FREM3: variants seen among roughly 807,000 people sequenced by gnomAD.
FREM3 encodes FRAS1-related extracellular matrix protein 3.
A neutral mutation model predicts 129.1 loss-of-function variants in FREM3; 105 were observed. That is an observed-to-expected ratio of 0.81 (90% CI 0.69 to 0.96). The LOEUF (loss-of-function observed/expected upper bound fraction) is 0.96, where lower values mean the gene tolerates loss of function less well. FREM3 is among the 40% of genes least tolerant of loss of function. FREM3 has a pLI of 0.00. For missense variants in FREM3, 2,593 were observed against 2,666.3 expected (o/e 0.97, Z 0.61); for synonymous variants, 1,014 against 1,044.9 (o/e 0.97, Z 0.57).
chr4:143,700,372 C>G lies in FREM3; in HGVS notation c.304G>C (p.Ala102Pro). 6.5e-7 allele frequency: 1 copy of G among 1,534,676 alleles called. No individual in the cohort carries two copies. The highest frequency in any genetic ancestry group is 8.7e-7 in the Non-Finnish European group (1 of 1,145,878). Residue 102 changes from alanine (A) to proline (P), a missense_variant, in exon 1 of 8, where the codon GCC becomes CCC. Ala to Pro is a conservative substitution (Grantham distance 27). This residue lies in a region of FREM3 where 2,276 missense variants were observed against 2,267.2 expected (regional missense o/e 1.00). Coordinates refer to ENST00000329798, the MANE Select transcript of FREM3 (RefSeq NM_001168235.2). ...GDRCEVTVLD[A>P]LPRLKGALSP... ...AGCGCGCCCTTGAGCCGCGGCAGGG[C>G]GTCCAGTACCGTGACTTCGCACCGG...
intron 2 of FREM3, among the ~76,000 whole-genome samples, chr4:143,686,388 A>G (rs1056293838): frequency 2.6e-5 from 4 of 152,228 alleles, no homozygotes; most frequent in African/African-American, 7.2e-5. Context: ...AAGGACTTCA[A>G]TACTCCACTG....
chr4:143,590,883 TG>T lies in FREM3; in HGVS notation c.6029-4891del, dbSNP rs199928933. On this transcript the variant is annotated intron_variant, in intron 6 of 7. Transcript: ENST00000329798. The stretch of plus-strand genomic sequence containing the variant: ...CATCTGGTCCTGGTCTTTTTTTGGT[TG>T]GTAAGCTATTAATTATTGCCTCAAT... Among the ~76,000 whole-genome samples the T allele has an allele frequency of 2.7e-3, 406 of 152,302 alleles. 4 individuals are homozygous for T. The highest frequency in any genetic ancestry group is 8.6e-3 in the African/African-American group (358 of 41,544).
chr4:143,687,487 A>G (rs2149861176), intron 2 of FREM3, among the ~76,000 whole-genome samples: 1 of 152,302 alleles, frequency 6.6e-6, no homozygotes, highest in East Asian at 1.9e-4. Flanking sequence ...ATAGAGAAAA[A>G]CGGAACCCTC....
At chr4:143,581,891 C>G (rs1347114984) in intron 7 of FREM3, among the ~76,000 whole-genome samples, 1 of 152,012 alleles carries the variant, frequency 6.6e-6, no homozygotes, top group African/African-American at 2.4e-5. Context: ...CTTGCTGCCC[C>G]CAGAGAAGAA....
intron 2 of FREM3, among the ~76,000 whole-genome samples, chr4:143,682,014 A>T (rs1740260332): frequency 6.6e-6 from 1 of 152,218 alleles, no homozygotes; most frequent in African/African-American, 2.4e-5. Flanking sequence ...GCAGAGAAAA[A>T]GAGGTGAGAA....
intron 2 of FREM3, among the ~76,000 whole-genome samples, chr4:143,690,041 G>T (rs1468942108): frequency 1.3e-5 from 2 of 148,528 alleles, no homozygotes; most frequent in Non-Finnish European, 3.0e-5. Context: ...AAAAAGAAAT[G>T]CAGCCTTGTC....
At chr4:143,621,887 A>G (rs966954583) in intron 4 of FREM3, among the ~76,000 whole-genome samples, 1 of 152,218 alleles carries the variant, frequency 6.6e-6, no homozygotes, top group Non-Finnish European at 1.5e-5. Flanking sequence ...TTTATTAAGC[A>G]TGCACTGTGC....
chr4:143,612,286 C>T (rs1738772295), intron 5 of FREM3, among the ~76,000 whole-genome samples: 1 of 152,182 alleles, frequency 6.6e-6, no homozygotes, highest in South Asian at 2.1e-4. Flanking sequence ...ATCTGCTTTG[C>T]ATCATTATAG....
rs961124792 is a variant in FREM3 at position 143,611,426 on chromosome 4, G to A, written c.5881C>T (p.Gln1961Ter). The A allele has an allele frequency of 9.8e-6, 15 of 1,537,200 alleles. No homozygotes were observed. In the African/African-American group the frequency reaches 1.6e-4, roughly 17 times the overall value. ...SILHFDKNETQKTCQVLIIDD... is the reference protein window; with the variant it reads ...SILHFDKNET ...ATGATCAGGACCTGGCAGGTCTTCT[G>A]TGTCTCATTCTTGTCAAAGTGGAGG... The change falls in exon 6 of 8, where the codon CAG (glutamine) becomes TAG (stop). Residue 1961 changes from glutamine to a stop codon, truncating the protein, a stop_gained. Transcript: ENST00000329798. LOFTEE classifies it high-confidence loss of function.
At chr4:143,600,075 G>C (rs545851292) in intron 6 of FREM3, among the ~76,000 whole-genome samples, 34 of 152,300 alleles carry the variant, frequency 2.2e-4, no homozygotes, top group African/African-American at 7.9e-4. Flanking sequence ...TGGAGCAGAG[G>C]CATAGGAATT....
At chr4:143,580,198 C>A (rs1445483393) in intron 7 of FREM3, among the ~76,000 whole-genome samples, 1 of 152,148 alleles carries the variant, frequency 6.6e-6, no homozygotes, top group East Asian at 1.9e-4. Context: ...AATAAACACA[C>A]AAGCTCTTCA....
At position 143,604,016 on chromosome 4, in the gene FREM3, G is replaced by A. The variant is rs574254775; in HGVS notation, c.6028+7263C>T. On this transcript the variant is annotated intron_variant, in intron 6 of 7. Coordinates refer to ENST00000329798, the MANE Select transcript of FREM3 (RefSeq NM_001168235.2). ...CCAGGTGGAAAGTGTTTGGGTCAGG[G>A]GGTTGGATCTCTCATGAACATCTTG... 2.4e-3 allele frequency among the ~76,000 whole-genome samples: 371 copies of A among 152,250 alleles called. 1 individual carries two copies. Among genetic ancestry groups the A allele is most frequent in the African/African-American group, 8.6e-3 (358 of 41,540 alleles).
At chr4:143,592,534 A>G (rs903139480) in intron 6 of FREM3, among the ~76,000 whole-genome samples, 9 of 152,144 alleles carry the variant, frequency 5.9e-5, no homozygotes, top group Admixed American at 4.6e-4. Flanking sequence ...TTCTGGGTTG[A>G]AAATTCTTTT....
chr4:143,677,120 T>A (rs988989214), intron 2 of FREM3, among the ~76,000 whole-genome samples: 1 of 152,268 alleles, frequency 6.6e-6, no homozygotes, highest in East Asian at 1.9e-4. Flanking sequence ...GCTGGAGGCA[T>A]CACGCTACCT....
At chr4:143,602,205 C>T (rs1375651379) in intron 6 of FREM3, among the ~76,000 whole-genome samples, 1 of 152,128 alleles carries the variant, frequency 6.6e-6, no homozygotes, top group Non-Finnish European at 1.5e-5. Context: ...TTTTGAAGGA[C>T]ACATGTTTTA....
At chr4:143,669,816 A>G (rs1415431100) in intron 2 of FREM3, among the ~76,000 whole-genome samples, 2 of 152,054 alleles carry the variant, frequency 1.3e-5, no homozygotes, top group East Asian at 3.9e-4. Context: ...TTAAATTTCA[A>G]CTTTTATTTT....
chr4:143,611,156 A>G lies in FREM3; in HGVS notation c.6028+123T>C, dbSNP rs904533200. 77 of 1,076,378 alleles carry G rather than the reference A, an allele frequency of 7.2e-5. 1 individual carries two copies. Among genetic ancestry groups the G allele is most frequent in the Admixed American group, 1.1e-4 (4 of 36,272 alleles). 66.7% of individuals were successfully genotyped at this position (1,076,378 alleles called of 1,614,324 possible). A position where few individuals can be genotyped will look rare whatever the true frequency, so the allele number is the denominator to read the frequency against. Reference sequence around the variant, plus strand: ...TTGAAGAGCTACTCACAGTTTTTGGAGATAAAAGAACATCAAATATTCTTT... The same window carrying G: ...TTGAAGAGCTACTCACAGTTTTTGGGGATAAAAGAACATCAAATATTCTTT... On this transcript the variant is annotated intron_variant, in intron 6 of 7. Transcript: ENST00000329798.
At chr4:143,664,171 G>T (rs997078982) in intron 2 of FREM3, among the ~76,000 whole-genome samples, 6 of 152,130 alleles carry the variant, frequency 3.9e-5, no homozygotes, top group Non-Finnish European at 5.9e-5. Flanking sequence ...CTGGTTTTTA[G>T]AGTTTCCAGT....
chr4:143,633,182 A>G (rs1739170787), intron 2 of FREM3, among the ~76,000 whole-genome samples: 1 of 152,140 alleles, frequency 6.6e-6, no homozygotes, highest in Non-Finnish European at 1.5e-5. Flanking sequence ...GGTCATCCAC[A>G]GAGTGCTGTT....
Sources: gnomAD v4.1 joint callset for allele counts (sites outside exome capture counted in the v4.1 genomes callset) on GRCh38, gnomAD v4.1.1 for gene constraint, gnomAD v4.1.1 regional missense constraint, MANE v1.5 for transcripts, NCBI Gene and HGNC (gene_info 2026-07-23, HGNC 2026-07-21) for gene names.